Variants in CTPS1 observed in about 807,000 individuals in gnomAD.
CTPS1 encodes CTP synthetase 1.
Under a neutral mutation model 80.5 loss-of-function variants are expected in CTPS1, and 25 were observed. The ratio of observed to expected loss-of-function variants is 0.31; its 90% CI spans 0.23 to 0.43. The LOEUF (loss-of-function observed/expected upper bound fraction) is 0.43. Ranked by LOEUF, CTPS1 falls within the 20% of genes least tolerant of loss-of-function variation. The pLI is 1.00. For missense variants in CTPS1, 442 were observed against 725.7 expected, an observed-to-expected ratio of 0.61 and a Z score of 4.49; for synonymous variants, 267 against 252.5, an observed-to-expected ratio of 1.06 and a Z score of -0.54.
chr1:40,992,696 T>A (rs947213968), intron 7 of CTPS1, among the ~76,000 whole-genome samples: 2 of 151,348 alleles, frequency 1.3e-5, no homozygotes, highest in Non-Finnish European at 2.9e-5. Context: ...TTTTTTTTTT[T>A]TTTTTTTTAA....
chr1:41,005,080 G>A (rs982807018), intron 12 of CTPS1, among the ~76,000 whole-genome samples: 3 of 152,120 alleles, frequency 2.0e-5, no homozygotes, highest in Non-Finnish European at 2.9e-5. Flanking sequence ...AGTGAGCCAA[G>A]ATTGTGCCAC....
intron 1 of CTPS1, among the ~76,000 whole-genome samples, chr1:40,982,237 A>G (rs1642329083): frequency 6.6e-6 from 1 of 151,800 alleles, no homozygotes; most frequent in East Asian, 1.9e-4. Context: ...ATTTAATCTC[A>G]TCTCCCCTCT....
intron 9 of CTPS1, among the ~76,000 whole-genome samples, chr1:40,999,826 A>G (rs1279690835): frequency 6.6e-6 from 1 of 152,222 alleles, no homozygotes; most frequent in African/African-American, 2.4e-5. Flanking sequence ...GTTTATTTAT[A>G]TAGTAGAAAC....
intron 6 of CTPS1, 89 bp downstream of exon 6, chr1:40,991,337 G>A: frequency 1.9e-6 from 2 of 1,044,824 alleles, no homozygotes; most frequent in Non-Finnish European, 2.8e-6. Context: ...TTGTCTTGTT[G>A]GGTTGCTTTT....
rs995402120 is a variant in CTPS1 at position 41,005,977 on chromosome 1, T to G, written c.1253-74T>G. On this transcript the variant is annotated intron_variant, in intron 12 of 18. Transcript: ENST00000650070. ...CTTAAACTGAGGAGGGAAGTTGTGT[T>G]TAGAGCTTAGCAATGAAACTATTAA... 4 of 1,232,458 alleles carry G rather than the reference T, an allele frequency of 3.2e-6. No individual in the cohort carries two copies. In the African/African-American group the frequency reaches 5.9e-5, roughly 18 times the overall value. 76.3% of individuals were successfully genotyped at this position (1,232,458 alleles called of 1,614,324 possible). A position where few individuals can be genotyped will look rare whatever the true frequency, so the allele number is the denominator to read the frequency against.
intron 5 of CTPS1, among the ~76,000 whole-genome samples, chr1:40,989,510 C>T (rs577888648): frequency 5.7e-4 from 86 of 152,194 alleles, no homozygotes; most frequent in African/African-American, 1.6e-3. Context: ...CTGGCTCTGG[C>T]GGCTCCCCAT....
intron 4 of CTPS1, among the ~76,000 whole-genome samples, chr1:40,988,278 CT>C (rs34538426): frequency 3.8e-3 from 531 of 138,198 alleles, no homozygotes; most frequent in Middle Eastern, 7.5e-3. Flanking sequence ...TTAGGTTTTT[CT>C]TTTTTTTTTT....
chr1:40,986,067 G>T (rs562039803), intron 3 of CTPS1, among the ~76,000 whole-genome samples: 2 of 152,336 alleles, frequency 1.3e-5, no homozygotes, highest in Admixed American at 6.5e-5. Context: ...ACTGGTGCTG[G>T]TGATGCATGT....
chr1:41,011,616 T>C (rs1288866447), intron 18 of CTPS1, 42 bp from the exon 19 acceptor site: 1 of 152,224 alleles, frequency 6.6e-6, no homozygotes, highest in Non-Finnish European at 1.5e-5. Flanking sequence ...TCTACTTTAA[T>C]GTACATCATA....
intron 2 of CTPS1, among the ~76,000 whole-genome samples, chr1:40,984,331 A>G (rs777593522): frequency 1.3e-5 from 2 of 152,252 alleles, no homozygotes; most frequent in Non-Finnish European, 2.9e-5. Flanking sequence ...AATGGGGTAA[A>G]TATGTGCAGT....
At chr1:41,002,411 C>A (rs1404748747) in intron 11 of CTPS1, among the ~76,000 whole-genome samples, 157 bp downstream of exon 11, 1 of 152,190 alleles carries the variant, frequency 6.6e-6, no homozygotes, top group African/African-American at 2.4e-5. Flanking sequence ...TCTTTAGAGA[C>A]AAATTCAGTC....
In CTPS1 at chr1:41,011,889, G is replaced by A. The variant is rs921707230; in HGVS notation, c.*241G>A. On this transcript the variant is annotated 3_prime_UTR_variant, in exon 19 of 19. Coordinates refer to ENST00000650070, the MANE Select transcript of CTPS1 (RefSeq NM_001905.4). ...AGTTCTTGAGTTGCGGCAGAACATC[G>A]CGATGGGAACCGATGGTGGGTGGGG... is the stretch of plus-strand genomic sequence containing the variant. The A allele has an allele frequency of 3.9e-5, 6 of 152,260 alleles. No individual in the cohort carries two copies. The highest frequency in any genetic ancestry group is 3.9e-4 in the East Asian group (2 of 5,180). 9.4% of individuals were successfully genotyped at this position (152,260 alleles called of 1,614,324 possible). A position where few individuals can be genotyped will look rare whatever the true frequency, so the allele number is the denominator to read the frequency against.
chr1:40,984,595 C>T (rs978402727), intron 2 of CTPS1, among the ~76,000 whole-genome samples: 1 of 152,176 alleles, frequency 6.6e-6, no homozygotes, highest in African/African-American at 2.4e-5. Context: ...TATAACTCTT[C>T]TTAAGAATGA....
intron 2 of CTPS1, 101 bp downstream of exon 2, chr1:40,983,557 T>A: frequency 3.1e-6 from 3 of 956,238 alleles, no homozygotes; most frequent in Non-Finnish European, 4.8e-6. Flanking sequence ...TTCTGCCTTC[T>A]AACAGGTCCC....
rs1643198199 is a variant in CTPS1, at chr1:41,012,475, A to G, written c.*827A>G. Reference sequence around the variant, plus strand: ...TGAAGTTACTTTCTTAATGTGACCTAGCAATAGGCATAGCTACGTGGCACT... The same window carrying G: ...TGAAGTTACTTTCTTAATGTGACCTGGCAATAGGCATAGCTACGTGGCACT... On this transcript the variant is annotated 3_prime_UTR_variant, in exon 19 of 19. Transcript: ENST00000650070. 1 of 152,234 alleles carries G rather than the reference A, an allele frequency of 6.6e-6. No homozygotes were observed. Among genetic ancestry groups the G allele is most frequent in the South Asian group, 2.1e-4 (1 of 4,836 alleles). The allele number at this position is 152,234 out of a possible 1,614,324, so 9.4% of individuals were successfully genotyped here.
intron 7 of CTPS1, 136 bp from the exon 8 acceptor site, chr1:40,995,781 T>A: frequency 2.6e-6 from 2 of 772,020 alleles, no homozygotes; most frequent in South Asian, 3.8e-5. Context: ...GAGTCTGTTT[T>A]AGTAGTTTAT....
intron 2 of CTPS1, among the ~76,000 whole-genome samples, chr1:40,984,307 ATG>A (rs1410427269): frequency 6.6e-6 from 1 of 152,248 alleles, no homozygotes; most frequent in Non-Finnish European, 1.5e-5. Flanking sequence ...CATGGAATGA[ATG>A]TGCAACAAAA....
At chr1:40,981,688 A>G (rs540143177) in intron 1 of CTPS1, among the ~76,000 whole-genome samples, 79 of 152,318 alleles carry the variant, frequency 5.2e-4, no homozygotes, top group Admixed American at 9.1e-4. Context: ...ACTTGGTTTA[A>G]TCAGCGTTTC....
chr1:41,000,546 C>T (rs981183361), intron 9 of CTPS1, among the ~76,000 whole-genome samples: 4 of 152,114 alleles, frequency 2.6e-5, no homozygotes, highest in Non-Finnish European at 5.9e-5. Context: ...AGCCACCACG[C>T]CCGGCTCATT....
Sources: allele counts gnomAD v4.1 joint callset (sites outside exome capture counted in the v4.1 genomes callset), GRCh38; gene constraint gnomAD v4.1.1; transcripts MANE v1.5; gene names NCBI Gene and HGNC (gene_info 2026-07-23, HGNC 2026-07-21).